RNF128: variants seen among roughly 807,000 people sequenced by gnomAD.
RNF128 encodes E3 ubiquitin-protein ligase RNF128.
A neutral mutation model predicts 26.2 loss-of-function variants in RNF128; 13 were observed. The observed-to-expected ratio is 0.50, with a 90% CI of 0.32 to 0.79. The LOEUF (loss-of-function observed/expected upper bound fraction) is 0.79. Ranked by LOEUF, RNF128 falls within the 30% of genes least tolerant of loss-of-function variation. The probability of loss-of-function intolerance (pLI) is 0.03; values close to 1 mark genes in which losing one functional copy is unlikely to be tolerated. For missense variants in RNF128, 315 were observed against 349.7 expected, an observed-to-expected ratio of 0.90 and a Z score of 0.79; for synonymous variants, 149 against 142.5, an observed-to-expected ratio of 1.05 and a Z score of -0.32.
rs1391235864 is a variant in RNF128, at chrX:106,795,612, A to C, written c.1186A>C (p.Asn396His). ...TCTACAGCTGGTAAACCATGAAGCA[A>C]ATTCTGTGGCAGTGGATGTTATTCC... ...ESLQLVNHEA[N>H]SVAVDVIPHV... Residue 396 changes from asparagine (N) to histidine (H), a missense_variant, in exon 7 of 7, where the codon AAT becomes CAT. By Grantham distance (68) the Asn-to-His change is moderately conservative (BLOSUM62 1). Coordinates refer to ENST00000255499, the MANE Select transcript of RNF128 (RefSeq NM_194463.2). 1 of 1,198,777 alleles carries C rather than the reference A, an allele frequency of 8.3e-7. No homozygotes were observed. The highest frequency in any genetic ancestry group is 2.2e-5 in the Admixed American group (1 of 44,840).
At chrX:106,698,241 CT>C (rs1243126412) in intron 1 of RNF128, among the ~76,000 whole-genome samples, 1 of 108,273 alleles carries the variant, frequency 9.2e-6, no homozygotes, top group Non-Finnish European at 1.9e-5. Flanking sequence ...TTAAGAAATG[CT>C]TAGATTTGGA....
intron 1 of RNF128, among the ~76,000 whole-genome samples, chrX:106,759,292 G>C (rs1380028895): frequency 9.0e-6 from 1 of 111,590 alleles, no homozygotes; most frequent in African/African-American, 3.3e-5. Flanking sequence ...ATGAATGCTG[G>C]CGAGGATGTA....
At chrX:106,782,081 A>G (rs769054145) in intron 2 of RNF128, among the ~76,000 whole-genome samples, 45 of 112,507 alleles carry the variant, frequency 4.0e-4, no homozygotes, top group Non-Finnish European at 7.3e-4. Flanking sequence ...AGACATTTAT[A>G]TTGTATTGAA....
At chrX:106,707,921 A>G (rs1929070083) in intron 1 of RNF128, among the ~76,000 whole-genome samples, 1 of 111,710 alleles carries the variant, frequency 9.0e-6, no homozygotes, top group South Asian at 3.8e-4. Flanking sequence ...GAAGCAGTAC[A>G]ACACTGACGG....
rs1360896565 is a variant in RNF128 at position 106,791,187 on chromosome X, TAC to T, written c.1108_1109del (p.Gln370GlyfsTer4). Reference sequence around the variant, plus strand: ...ACCGCATCATCTGGATATGCTTCAGTACAGGGAACAGATGAACCGCCTCTGGA... The same window carrying T: ...ACCGCATCATCTGGATATGCTTCAGTAGGGAACAGATGAACCGCCTCTGGA... On this transcript the variant is annotated frameshift_variant, in exon 6 of 7. Coordinates refer to ENST00000255499, the MANE Select transcript of RNF128 (RefSeq NM_194463.2). LOFTEE classifies it high-confidence loss of function. The T allele has an allele frequency of 8.3e-7, 1 of 1,207,578 alleles. No homozygotes were observed. Among genetic ancestry groups the T allele is most frequent in the Admixed American group, 2.2e-5 (1 of 45,473 alleles).
At chrX:106,717,189 C>T (rs1176469902) in intron 1 of RNF128, among the ~76,000 whole-genome samples, 1 of 104,095 alleles carries the variant, frequency 9.6e-6, no homozygotes, top group Non-Finnish European at 2.0e-5. Flanking sequence ...GGCGACAGAG[C>T]GAGACTCCGT....
At chrX:106,729,435 T>C (rs1929465221) in intron 1 of RNF128, among the ~76,000 whole-genome samples, 1 of 110,654 alleles carries the variant, frequency 9.0e-6, no homozygotes, top group Non-Finnish European at 1.9e-5. Flanking sequence ...ACCCAGCTGA[T>C]AATAGTCACT....
intron 1 of RNF128, among the ~76,000 whole-genome samples, chrX:106,762,581 T>G (rs1339200363): frequency 1.8e-5 from 2 of 111,369 alleles, no homozygotes; most frequent in Non-Finnish European, 1.9e-5. Flanking sequence ...CCCAAAGTGC[T>G]GGGATTACAG....
intron 1 of RNF128, among the ~76,000 whole-genome samples, chrX:106,750,385 G>C (rs1929861770): frequency 8.9e-6 from 1 of 112,105 alleles, no homozygotes; most frequent in African/African-American, 3.2e-5. Flanking sequence ...CAAACTATCT[G>C]GGTACAAATA....
intron 1 of RNF128, among the ~76,000 whole-genome samples, chrX:106,768,291 T>C (rs1034417269): frequency 1.8e-5 from 2 of 112,118 alleles, no homozygotes; most frequent in Admixed American, 1.9e-4. Flanking sequence ...GAAGGAATGG[T>C]ACCAGCTTCT....
At chrX:106,758,777 C>G (rs1930069450) in intron 1 of RNF128, among the ~76,000 whole-genome samples, 2 of 111,340 alleles carry the variant, frequency 1.8e-5, no homozygotes, top group Admixed American at 9.6e-5. Flanking sequence ...ATACAAAAAT[C>G]AAATCAAAAT....
chrX:106,753,012 T>A (rs1338641619), intron 1 of RNF128, among the ~76,000 whole-genome samples: 2 of 111,006 alleles, frequency 1.8e-5, no homozygotes, highest in Non-Finnish European at 3.8e-5. Context: ...AAATACACAG[T>A]CAGAGGAGAC....
At chrX:106,715,728 A>T (rs1384892022) in intron 1 of RNF128, among the ~76,000 whole-genome samples, 1 of 111,909 alleles carries the variant, frequency 8.9e-6, no homozygotes. Context: ...CAGATATTTT[A>T]TGTCCTTGGT....
chrX:106,791,317 T>A, intron 6 of RNF128, 83 bp downstream of exon 6: 1 of 933,150 alleles, frequency 1.1e-6, no homozygotes, highest in Non-Finnish European at 1.5e-6. Context: ...CTTTTTAGCG[T>A]TTGTTCCATT....
intron 1 of RNF128, among the ~76,000 whole-genome samples, chrX:106,746,409 A>G (rs1341747606): frequency 2.7e-5 from 3 of 110,889 alleles, no homozygotes; most frequent in South Asian, 3.8e-4. Context: ...AAATGTGGGG[A>G]AAAAAAGGTC....
At chrX:106,695,621 C>A (rs1281820506) in intron 1 of RNF128, among the ~76,000 whole-genome samples, 1 of 111,862 alleles carries the variant, frequency 8.9e-6, no homozygotes, top group Non-Finnish European at 1.9e-5. Context: ...ATATTATTTT[C>A]TAGCTAAGAG....
At chrX:106,773,186 A>G in intron 2 of RNF128, 26 bp downstream of exon 2, 1 of 1,177,197 alleles carries the variant, frequency 8.5e-7, no homozygotes, top group South Asian at 1.9e-5. Flanking sequence ...TTCTTCCACT[A>G]TTAAAAAAAA....
chrX:106,772,899 G>T lies in RNF128; in HGVS notation c.485-14G>T. On this transcript the variant is annotated splice_polypyrimidine_tract_variant and intron_variant, in intron 1 of 6. Coordinates refer to ENST00000255499, the MANE Select transcript of RNF128 (RefSeq NM_194463.2). ...GTTTCACCAAACTAAAACTGAATTT[G>T]TTTTATTTTACAGGTGCAGTAGACA... The T allele has an allele frequency of 1.7e-6, 2 of 1,191,393 alleles. No homozygotes were observed. The highest frequency in any genetic ancestry group is 2.3e-6 in the Non-Finnish European group (2 of 886,154).
intron 1 of RNF128, among the ~76,000 whole-genome samples, chrX:106,705,286 A>T (rs959841801): frequency 8.9e-6 from 1 of 111,964 alleles, no homozygotes; most frequent in African/African-American, 3.3e-5. Context: ...CAAGCACATG[A>T]AAAATTATTT....
Sources: allele counts gnomAD v4.1 joint callset (sites outside exome capture counted in the v4.1 genomes callset), GRCh38; gene constraint gnomAD v4.1.1; transcripts MANE v1.5; gene names NCBI Gene and HGNC (gene_info 2026-07-23, HGNC 2026-07-21).